BICD1: variants seen among roughly 807,000 people sequenced by gnomAD.
The protein encoded by BICD1 is protein bicaudal D homolog 1.
BICD1 carries 35 observed loss-of-function variants against 92.5 expected under a neutral mutation model. The ratio of observed to expected loss-of-function variants is 0.38; its 90% CI spans 0.29 to 0.50. The LOEUF is 0.50. Ranked by LOEUF, BICD1 falls within the 20% of genes least tolerant of loss-of-function variation. The probability of loss-of-function intolerance (pLI) is 0.93; values close to 1 mark genes in which losing one functional copy is unlikely to be tolerated. For missense variants in BICD1, 950 were observed against 1,189.8 expected, an observed-to-expected ratio of 0.80 and a Z score of 2.97; for synonymous variants, 429 against 465.1, an observed-to-expected ratio of 0.92 and a Z score of 1.00.
Position 32,256,680 on chromosome 12 carries a change from T to C in BICD1, c.427-37314T>C, listed in dbSNP as rs191905083. On this transcript the variant is annotated intron_variant, in intron 2 of 9. Transcript: ENST00000652176. The stretch of plus-strand genomic sequence containing the variant: ...AGTTGTTTTGTAATCAGACAGACCC[T>C]GGTTTGTATTCTGACCCAGCCACCA... 2.0e-3 allele frequency among the ~76,000 whole-genome samples: 305 copies of C among 152,334 alleles called. 1 individual carries two copies. Among genetic ancestry groups the C allele is most frequent in the African/African-American group, 7.0e-3 (293 of 41,584 alleles).
chr12:32,145,912 G>C, intron 1 of BICD1, among the ~76,000 whole-genome samples: 1 of 152,142 alleles, frequency 6.6e-6, no homozygotes, highest in Non-Finnish European at 1.5e-5. Flanking sequence ...ATAGGGAATT[G>C]GAACCAAGTG....
chr12:32,373,714 A>AC (rs917783519), intron 9 of BICD1, among the ~76,000 whole-genome samples: 10 of 151,748 alleles, frequency 6.6e-5, no homozygotes, highest in Non-Finnish European at 1.0e-4. Context: ...CTACTAAAAA[A>AC]AAAAAAATAC....
intron 1 of BICD1, among the ~76,000 whole-genome samples, chr12:32,185,914 T>G (rs1944412529): frequency 7.1e-6 from 1 of 141,674 alleles, no homozygotes; most frequent in African/African-American, 2.6e-5. Context: ...TCAACCCCTT[T>G]GCATCTGTGT....
At chr12:32,342,626 A>G (rs748362575) in intron 8 of BICD1, among the ~76,000 whole-genome samples, 7 of 152,066 alleles carry the variant, frequency 4.6e-5, no homozygotes, top group African/African-American at 9.7e-5. Context: ...TTATTTTTCT[A>G]TTGAGGACCA....
At chr12:32,316,394 G>A (rs867524668) in intron 4 of BICD1, among the ~76,000 whole-genome samples, 8 of 151,706 alleles carry the variant, frequency 5.3e-5, no homozygotes, top group South Asian at 2.1e-4. Context: ...GGGTTCAAGC[G>A]ATTCTTGTGC....
chr12:32,200,849 G>A (rs1181499162), intron 1 of BICD1, among the ~76,000 whole-genome samples: 3 of 152,080 alleles, frequency 2.0e-5, no homozygotes, highest in Non-Finnish European at 2.9e-5. Flanking sequence ...CAAAAGATAC[G>A]GTTGATTCAC....
At chr12:32,176,537 A>G (rs1042275408) in intron 1 of BICD1, among the ~76,000 whole-genome samples, 1 of 152,242 alleles carries the variant, frequency 6.6e-6, no homozygotes. Flanking sequence ...AAACATTTGC[A>G]TCATTCTAGA....
At chr12:32,228,285 C>T (rs927852195) in intron 2 of BICD1, 1 of 152,280 alleles carries the variant, frequency 6.6e-6, no homozygotes, top group African/African-American at 2.4e-5. Flanking sequence ...GTTGAAAAGA[C>T]TACTCTTTCT....
chr12:32,333,072 G>T, intron 5 of BICD1: 1 of 984,788 alleles, frequency 1.0e-6, no homozygotes, highest in Non-Finnish European at 1.2e-6. Flanking sequence ...TTCAGATCTA[G>T]CTCTTCTGTT....
chr12:32,197,023 C>CTTT (rs1277860754), intron 1 of BICD1, among the ~76,000 whole-genome samples: 2 of 144,056 alleles, frequency 1.4e-5, no homozygotes, highest in Non-Finnish European at 3.1e-5. Flanking sequence ...CAAGATTTTA[C>CTTT]TTTTTTTTTT....
intron 5 of BICD1, among the ~76,000 whole-genome samples, chr12:32,330,896 AG>A (rs1480970732): frequency 6.6e-6 from 1 of 152,254 alleles, no homozygotes; most frequent in East Asian, 1.9e-4. Context: ...GCACTTTGGG[AG>A]GCCAAGGCCA....
intron 2 of BICD1, among the ~76,000 whole-genome samples, chr12:32,283,944 G>A (rs897225742): frequency 6.6e-6 from 1 of 152,222 alleles, no homozygotes; most frequent in Non-Finnish European, 1.5e-5. Flanking sequence ...AATAGCGGCC[G>A]TGCAGCCAAT....
At chr12:32,139,143 T>C (rs1377584134) in intron 1 of BICD1, among the ~76,000 whole-genome samples, 6 of 152,214 alleles carry the variant, frequency 3.9e-5, no homozygotes, top group Non-Finnish European at 7.3e-5. Flanking sequence ...GTGTATGACT[T>C]CATAATTTAG....
intron 1 of BICD1, among the ~76,000 whole-genome samples, chr12:32,189,388 C>G (rs1308621800): frequency 1.3e-5 from 2 of 152,182 alleles, no homozygotes; most frequent in Non-Finnish European, 2.9e-5. Context: ...CTCTTTTTCT[C>G]CTCCTCTTCC....
chr12:32,293,484 ATTT>A (rs55803746), intron 2 of BICD1, among the ~76,000 whole-genome samples: 66 of 143,976 alleles, frequency 4.6e-4, no homozygotes, highest in East Asian at 6.1e-4. Flanking sequence ...CGCCTGGCTA[ATTT>A]TTTTTTTTTT....
rs1419727126 is a variant in BICD1, at chr12:32,378,683, CAG to C, written c.*1061_*1062del. On this transcript the variant is annotated 3_prime_UTR_variant, in exon 10 of 10. Transcript: ENST00000652176. ...ATAGCCTTTAATTAATTAATTTACC[CAG>C]AGAGTGTTCAAAGTTTGATTAAAAT... is the stretch of plus-strand genomic sequence containing the variant. The C allele has an allele frequency of 2.6e-5, 4 of 152,018 alleles. No individual in the cohort carries two copies. Among genetic ancestry groups the C allele is most frequent in the East Asian group, 3.9e-4 (2 of 5,190 alleles). 9.4% of individuals were successfully genotyped at this position (152,018 alleles called of 1,614,324 possible). A position where few individuals can be genotyped will look rare whatever the true frequency, so the allele number is the denominator to read the frequency against.
intron 2 of BICD1, among the ~76,000 whole-genome samples, chr12:32,288,792 G>A (rs1947648359): frequency 6.6e-6 from 1 of 151,948 alleles, no homozygotes; most frequent in African/African-American, 2.4e-5. Flanking sequence ...CTTGAACCTG[G>A]GAGGCGGAGG....
intron 2 of BICD1, among the ~76,000 whole-genome samples, chr12:32,230,182 AG>A (rs1161711662): frequency 6.6e-6 from 1 of 151,950 alleles, no homozygotes; most frequent in Admixed American, 6.6e-5. Flanking sequence ...CACCTGGGAG[AG>A]TGAACCGTAG....
chr12:32,251,206 C>T (rs1295224407), intron 2 of BICD1, among the ~76,000 whole-genome samples: 4 of 151,922 alleles, frequency 2.6e-5, no homozygotes. Flanking sequence ...TCTTGTTGTT[C>T]TTATATATAT....
Sources: gnomAD v4.1 joint callset for allele counts (sites outside exome capture counted in the v4.1 genomes callset) on GRCh38, gnomAD v4.1.1 for gene constraint, MANE v1.5 for transcripts, NCBI Gene and HGNC (gene_info 2026-07-23, HGNC 2026-07-21) for gene names.